The following VPS54 variants were observed in gnomAD, a reference collection of about 807,000 sequenced individuals.
The protein encoded by VPS54 is VPS54 subunit of GARP complex, also known as vacuolar protein sorting-associated protein 54.
VPS54 carries 45 observed loss-of-function variants against 121.5 expected under a neutral mutation model. The ratio of observed to expected loss-of-function variants is 0.37; its 90% CI spans 0.29 to 0.47. The LOEUF (loss-of-function observed/expected upper bound fraction) is 0.47. Ranked by LOEUF, VPS54 falls within the 20% of genes least tolerant of loss-of-function variation. VPS54 has a pLI of 0.99. For synonymous variants in VPS54, 371 were observed against 385.8 expected, an observed-to-expected ratio of 0.96 and a Z score of 0.45; for missense variants, 1,090 against 1,131.4, an observed-to-expected ratio of 0.96 and a Z score of 0.52.
intron 7 of VPS54, among the ~76,000 whole-genome samples, chr2:63,957,334 C>A (rs993086039): frequency 2.7e-5 from 4 of 150,502 alleles, no homozygotes; most frequent in African/African-American, 9.8e-5. Flanking sequence ...CCCAGCTACT[C>A]AGGAGGCTGA....
At chr2:63,983,425 C>T (rs977458919) in intron 2 of VPS54, among the ~76,000 whole-genome samples, 2 of 149,876 alleles carry the variant, frequency 1.3e-5, no homozygotes, top group African/African-American at 2.5e-5. Flanking sequence ...GCGTGAGCCA[C>T]CACGCCGGGC....
intron 11 of VPS54, among the ~76,000 whole-genome samples, chr2:63,940,468 G>C (rs1353397307): frequency 2.6e-5 from 4 of 152,146 alleles, no homozygotes; most frequent in Non-Finnish European, 1.5e-5. Context: ...AACTGACATA[G>C]AGCCATTCCA....
intron 7 of VPS54, among the ~76,000 whole-genome samples, chr2:63,960,230 C>A (rs1396754932): frequency 6.6e-6 from 1 of 151,968 alleles, no homozygotes; most frequent in Non-Finnish European, 1.5e-5. Flanking sequence ...AGAATAAAAA[C>A]CCTGTCTCGA....
chr2:64,015,532 A>G (rs1678641827), intron 1 of VPS54, among the ~76,000 whole-genome samples: 1 of 152,122 alleles, frequency 6.6e-6, no homozygotes, highest in South Asian at 2.1e-4. Context: ...TGAACCGGAT[A>G]ATTTCTTGCA....
intron 1 of VPS54, among the ~76,000 whole-genome samples, chr2:63,991,945 T>C (rs7566977): frequency 0.03 from 4,643 of 152,314 alleles, 245 homozygotes; most frequent in African/African-American, 0.11. Context: ...CTAAATTTAC[T>C]ACCTAACTCT....
chr2:64,010,975 A>C (rs1163626721), intron 1 of VPS54, among the ~76,000 whole-genome samples: 1 of 152,220 alleles, frequency 6.6e-6, no homozygotes, highest in African/African-American at 2.4e-5. Flanking sequence ...GCTTTGCAGG[A>C]AACTCTGAAT....
At chr2:63,938,605 C>T (rs559842900) in intron 11 of VPS54, among the ~76,000 whole-genome samples, 19 of 152,288 alleles carry the variant, frequency 1.2e-4, no homozygotes, top group African/African-American at 4.6e-4. Flanking sequence ...GCTGGGATTA[C>T]AGGCATGAGA....
chr2:63,986,584 T>C (rs114500677), intron 1 of VPS54, among the ~76,000 whole-genome samples: 248 of 152,352 alleles, frequency 1.6e-3, no homozygotes, highest in African/African-American at 5.5e-3. Flanking sequence ...ATCTCTTCAA[T>C]ATACTGATTT....
chr2:63,986,045 CAAAT>C (rs942432497), intron 1 of VPS54, among the ~76,000 whole-genome samples: 2 of 152,128 alleles, frequency 1.3e-5, no homozygotes, highest in African/African-American at 2.4e-5. Context: ...TCTCATTAAT[CAAAT>C]AAAACAGCAA....
Position 63,921,247 on chromosome 2 carries a change from A to G in VPS54, c.1828T>C (p.Cys610Arg), listed in dbSNP as rs1673631031. 1 of 1,612,690 alleles carries G rather than the reference A, an allele frequency of 6.2e-7. No individual in the cohort carries two copies. The highest frequency in any genetic ancestry group is 1.3e-5 in the African/African-American group (1 of 74,930). ...AGAAATTTGACAGCTCGATCATGGC[A>G]TATATCTGAGGCACTATATAATAAT... Reference protein sequence around the residue: ...QELLYSASDICHDRAVKFLMS... With the variant: ...QELLYSASDIRHDRAVKFLMS... Residue 610 changes from cysteine (C) to arginine (R), a missense_variant, in exon 13 of 23, where the codon TGC (cysteine) becomes CGC (arginine). By Grantham distance (180) the Cys-to-Arg change is radical (BLOSUM62 -3). Transcript: ENST00000272322.
At chr2:64,011,496 G>A (rs187824884) in intron 1 of VPS54, among the ~76,000 whole-genome samples, 11 of 152,224 alleles carry the variant, frequency 7.2e-5, no homozygotes, top group South Asian at 4.2e-4. Flanking sequence ...AACACAGAAC[G>A]GGGAGGTTGC....
chr2:63,981,939 G>A, intron 2 of VPS54, 52 bp from the exon 3 acceptor site: 1 of 1,551,630 alleles, frequency 6.4e-7, no homozygotes, highest in African/African-American at 1.4e-5. Context: ...TTGGTTCTAT[G>A]TTTGAAAGTA....
chr2:63,972,313 T>G, intron 3 of VPS54, 69 bp from the exon 4 acceptor site: 1 of 1,208,776 alleles, frequency 8.3e-7, no homozygotes, highest in East Asian at 2.4e-5. Context: ...GAAAGTGTTT[T>G]GCAACAGAAT....
chr2:63,909,698 G>T (rs1463732224), intron 20 of VPS54, among the ~76,000 whole-genome samples: 5 of 141,530 alleles, frequency 3.5e-5, no homozygotes, highest in East Asian at 2.0e-4. Context: ...GATTATAGAC[G>T]TAAGCGACCT....
chr2:63,925,186 C>T (rs529137122), intron 12 of VPS54, among the ~76,000 whole-genome samples: 21 of 152,290 alleles, frequency 1.4e-4, no homozygotes, highest in African/African-American at 5.1e-4. Flanking sequence ...ATAATATAAA[C>T]AACCTTCACA....
At chr2:63,967,765 A>C (rs1052004287) in intron 5 of VPS54, among the ~76,000 whole-genome samples, 1 of 150,864 alleles carries the variant, frequency 6.6e-6, no homozygotes. Context: ...ACAAATCCTT[A>C]AAGGGGTAGC....
chr2:63,945,368 C>T (rs72808249), intron 9 of VPS54, among the ~76,000 whole-genome samples: 5,133 of 152,216 alleles, frequency 0.034, 117 homozygotes, highest in Middle Eastern at 0.058. Flanking sequence ...TAGAGGGGAA[C>T]ACCACACGGT....
intron 12 of VPS54, among the ~76,000 whole-genome samples, chr2:63,927,374 C>T (rs1393717901): frequency 2.6e-5 from 4 of 152,206 alleles, no homozygotes; most frequent in African/African-American, 9.6e-5. Flanking sequence ...CAAACAGGGT[C>T]TGGAGTGGAC....
intron 20 of VPS54, among the ~76,000 whole-genome samples, chr2:63,903,003 C>G (rs1420834148): frequency 6.6e-6 from 1 of 151,946 alleles, no homozygotes; most frequent in African/African-American, 2.4e-5. Context: ...CATAACATAA[C>G]ACAACATAAC....
Sources: gnomAD v4.1 joint callset for allele counts (sites outside exome capture counted in the v4.1 genomes callset) on GRCh38, gnomAD v4.1.1 for gene constraint, MANE v1.5 for transcripts, NCBI Gene and HGNC (gene_info 2026-07-23, HGNC 2026-07-21) for gene names.